The following CNDP1 variants were observed in gnomAD, a reference collection of about 807,000 sequenced individuals.
The protein encoded by CNDP1 is beta-Ala-His dipeptidase.
A neutral mutation model predicts 58.1 loss-of-function variants in CNDP1; 44 were observed. The observed-to-expected ratio is 0.76, with a 90% CI of 0.60 to 0.97. CNDP1 has a LOEUF of 0.97. Among genes scored for constraint, CNDP1 ranks in the 50% least tolerant of loss-of-function variants. The probability of loss-of-function intolerance (pLI) is 0.00; values close to 1 mark genes in which losing one functional copy is unlikely to be tolerated. For missense variants in CNDP1, 616 were observed against 655.1 expected, an observed-to-expected ratio of 0.94 and a Z score of 0.65; for synonymous variants, 254 against 252.6, an observed-to-expected ratio of 1.01 and a Z score of -0.05.
intron 10 of CNDP1, among the ~76,000 whole-genome samples, chr18:74,581,564 C>T (rs755932999): frequency 2.6e-5 from 4 of 152,194 alleles, no homozygotes; most frequent in African/African-American, 9.7e-5. Flanking sequence ...AGCCAGTGGT[C>T]TCTTCACAAT....
intron 1 of CNDP1, among the ~76,000 whole-genome samples, chr18:74,535,287 T>G (rs912453786): frequency 6.6e-6 from 1 of 152,184 alleles, no homozygotes; most frequent in Non-Finnish European, 1.5e-5. Context: ...AAGATAAAAT[T>G]CATGGACGCT....
chr18:74,570,887 G>C (rs1347214874), intron 6 of CNDP1, among the ~76,000 whole-genome samples: 2 of 152,226 alleles, frequency 1.3e-5, no homozygotes, highest in Non-Finnish European at 2.9e-5. Context: ...AGACAGCTGT[G>C]TAAACATCAA....
At chr18:74,541,103 G>A (rs909598349) in intron 1 of CNDP1, among the ~76,000 whole-genome samples, 16 of 152,216 alleles carry the variant, frequency 1.1e-4, no homozygotes, top group African/African-American at 1.7e-4. Flanking sequence ...GGTTCACACC[G>A]GAAACTTGTA....
chr18:74,568,180 G>A (rs1347190668), intron 6 of CNDP1, among the ~76,000 whole-genome samples: 2 of 152,214 alleles, frequency 1.3e-5, no homozygotes, highest in African/African-American at 4.8e-5. Flanking sequence ...ACAACGTGTA[G>A]GCTGATAATC....
rs1388386551 is a variant in CNDP1 at position 74,545,046 on chromosome 18, G to A, written c.24+10355G>A. Reference sequence around the variant, plus strand: ...CTGCTGCCAACACCAGAAGCTGGAGGGGCAGGAAGGACCCTCCCCTAGAGC... The same window carrying A: ...CTGCTGCCAACACCAGAAGCTGGAGAGGCAGGAAGGACCCTCCCCTAGAGC... On this transcript the variant is annotated intron_variant, in intron 1 of 11. Transcript: ENST00000358821. The surrounding 1 kb of genome is among the most constrained non-coding windows in gnomAD (Gnocchi z 4.1). Among the ~76,000 whole-genome samples the A allele has an allele frequency of 6.6e-6, 1 of 152,166 alleles. No homozygotes were observed. Among genetic ancestry groups the A allele is most frequent in the Non-Finnish European group, 1.5e-5 (1 of 68,032 alleles).
intron 1 of CNDP1, among the ~76,000 whole-genome samples, chr18:74,541,699 G>T (rs143128738): frequency 6.6e-6 from 1 of 152,282 alleles, no homozygotes; most frequent in South Asian, 2.1e-4. Context: ...CAGCCCCTTC[G>T]TCCCAGCCCT....
In CNDP1 at chr18:74,583,709, G is replaced by T; in HGVS notation, c.1457+1G>T. 3 of 1,614,068 alleles carry T rather than the reference G, an allele frequency of 1.9e-6. No homozygotes were observed. The highest frequency in any genetic ancestry group is 2.5e-6 in the Non-Finnish European group (3 of 1,179,978). ...ATTCGCAGAATGAGAAAATCAACAG[G>T]TCAGCTGATGCCTGTGCAATGTGCC... On this transcript the variant is annotated splice_donor_variant, in intron 11 of 11. Transcript: ENST00000358821. LOFTEE classifies it high-confidence loss of function.
Position 74,585,693 on chromosome 18 carries a change from C to T in CNDP1, c.*1131C>T, listed in dbSNP as rs1981893362. The stretch of plus-strand genomic sequence containing the variant: ...TTAAAATTTTTTTCTATTATGACTC[C>T]AAATAAAAACAAAGCAGAGGGCCAG... On this transcript the variant is annotated 3_prime_UTR_variant, in exon 12 of 12. Coordinates refer to ENST00000358821, the MANE Select transcript of CNDP1 (RefSeq NM_032649.6). 1 of 151,860 alleles carries T rather than the reference C, an allele frequency of 6.6e-6. No homozygotes were observed. The highest frequency in any genetic ancestry group is 2.4e-5 in the African/African-American group (1 of 41,322). The allele number at this position is 151,860 out of a possible 1,614,324, so 9.4% of individuals were successfully genotyped here. A position where few individuals can be genotyped will look rare whatever the true frequency, so the allele number is the denominator to read the frequency against.
At chr18:74,552,576 A>G (rs1013987487) in intron 1 of CNDP1, among the ~76,000 whole-genome samples, 4 of 152,262 alleles carry the variant, frequency 2.6e-5, no homozygotes, top group African/African-American at 7.2e-5. Context: ...TCTACACTGT[A>G]GCATGTACCA....
In CNDP1 at chr18:74,541,463, T is replaced by G. The variant is rs373699026; in HGVS notation, c.24+6772T>G. On this transcript the variant is annotated intron_variant, in intron 1 of 11. Coordinates refer to ENST00000358821, the MANE Select transcript of CNDP1 (RefSeq NM_032649.6). Reference sequence around the variant, plus strand: ...TGGAGGGTGGGTGGCATTTGTTGGCTGGAGCTGAGAGCCAGCTCCTGGAGG... The same window carrying G: ...TGGAGGGTGGGTGGCATTTGTTGGCGGGAGCTGAGAGCCAGCTCCTGGAGG... Among the ~76,000 whole-genome samples the G allele has an allele frequency of 7.9e-4, 120 of 152,256 alleles. 1 individual carries two copies. In the South Asian group the frequency reaches 0.02, roughly 25 times the overall value.
intron 3 of CNDP1, 45 bp downstream of exon 3, chr18:74,559,517 C>T (rs186517280): frequency 1.6e-4 from 256 of 1,568,144 alleles, no homozygotes; most frequent in Non-Finnish European, 2.1e-4. Context: ...TACTTCTAGA[C>T]GTCAGTCATG....
In CNDP1 at chr18:74,559,435, G is replaced by A. The variant is rs1314458417; in HGVS notation, c.266G>A (p.Gly89Glu). ...AVAADTLQRL[G>E]ARVASVDMGP... ...GCTGCGGACACGCTGCAGCGCCTGG[G>A]GGCCCGTGTGGCCTCGGTGGACATG... Residue 89 changes from glycine to glutamate, a missense_variant, in exon 3 of 12, where the codon GGG becomes GAG. Transcript: ENST00000358821. 3 of 1,611,928 alleles carry A rather than the reference G, an allele frequency of 1.9e-6. No individual in the cohort carries two copies. Among genetic ancestry groups the A allele is most frequent in the Non-Finnish European group, 1.7e-6 (2 of 1,179,984 alleles).
At chr18:74,580,393 G>A in intron 10 of CNDP1, 122 bp downstream of exon 10, 1 of 986,826 alleles carries the variant, frequency 1.0e-6, no homozygotes, top group Non-Finnish European at 1.5e-6. Flanking sequence ...TTAATACAGA[G>A]CACATTGTTG....
chr18:74,563,986 G>C (rs780719674), intron 5 of CNDP1, among the ~76,000 whole-genome samples: 23 of 152,178 alleles, frequency 1.5e-4, no homozygotes, highest in Non-Finnish European at 2.4e-4. Flanking sequence ...CAGAACTTCA[G>C]ATGGACTTCC....
intron 5 of CNDP1, among the ~76,000 whole-genome samples, chr18:74,565,268 A>C (rs1981298326): frequency 6.6e-6 from 1 of 152,164 alleles, no homozygotes; most frequent in Admixed American, 6.5e-5. Flanking sequence ...GATACAGCCA[A>C]ACCATATCAT....
At chr18:74,536,808 A>G (rs150858449) in intron 1 of CNDP1, among the ~76,000 whole-genome samples, 1 of 152,134 alleles carries the variant, frequency 6.6e-6, no homozygotes, top group African/African-American at 2.4e-5. Flanking sequence ...TGCATCTGTT[A>G]TTTTTTGACT....
At position 74,583,845 on chromosome 18, in the gene CNDP1, T is replaced by C. The variant is rs543276055; in HGVS notation, c.1457+137T>C. 24 of 857,796 alleles carry C rather than the reference T, an allele frequency of 2.8e-5. No homozygotes were observed. In the East Asian group the frequency reaches 5.5e-4, roughly 20 times the overall value. 53.1% of individuals were successfully genotyped at this position (857,796 alleles called of 1,614,324 possible). On this transcript the variant is annotated intron_variant, in intron 11 of 11. Transcript: ENST00000358821. The stretch of plus-strand genomic sequence containing the variant: ...GACTGGGAGCTTAAAGAACAGACAT[T>C]CATTCCTCACAGTTCTGGAGCCTGG...
chr18:74,544,937 T>C (rs568091284), intron 1 of CNDP1, among the ~76,000 whole-genome samples: 1 of 151,840 alleles, frequency 6.6e-6, no homozygotes, highest in South Asian at 2.1e-4. Context: ...CCTCCTAAGA[T>C]GAGAGTACAC....
At chr18:74,535,148 G>T (rs75610576) in intron 1 of CNDP1, among the ~76,000 whole-genome samples, 1 of 152,146 alleles carries the variant, frequency 6.6e-6, no homozygotes, top group Non-Finnish European at 1.5e-5. Context: ...GGCCTTTCTC[G>T]GCGAGGTTTC....
Sources: allele counts gnomAD v4.1 joint callset (sites outside exome capture counted in the v4.1 genomes callset), GRCh38; gene constraint gnomAD v4.1.1; non-coding constraint Gnocchi (gnomAD v3.1); transcripts MANE v1.5; gene names NCBI Gene and HGNC (gene_info 2026-07-23, HGNC 2026-07-21).